APBA1: variants seen among roughly 807,000 people sequenced by gnomAD.
The protein encoded by APBA1 is amyloid-beta A4 precursor protein-binding family A member 1.
Under a neutral mutation model 86.6 loss-of-function variants are expected in APBA1, and 55 were observed. That is an observed-to-expected ratio of 0.64 (90% CI 0.51 to 0.80). The LOEUF is 0.80. APBA1 is among the 30% of genes least tolerant of loss of function. The pLI is 0.00. For missense variants in APBA1, 1,090 were observed against 1,183.0 expected, an observed-to-expected ratio of 0.92 and a Z score of 1.15; for synonymous variants, 511 against 493.9, an observed-to-expected ratio of 1.03 and a Z score of -0.46.
chr9:69,519,477 T>C (rs1031005501), intron 1 of APBA1, among the ~76,000 whole-genome samples: 1 of 152,206 alleles, frequency 6.6e-6, no homozygotes, highest in African/African-American at 2.4e-5. Context: ...CAAGTTGCCT[T>C]CATAAGGACT....
At chr9:69,669,038 A>G (rs1284522091) in intron 1 of APBA1, among the ~76,000 whole-genome samples, 1 of 152,088 alleles carries the variant, frequency 6.6e-6, no homozygotes, top group East Asian at 1.9e-4. Context: ...ATCATGATCC[A>G]CCTCTGGCCA....
intron 1 of APBA1, among the ~76,000 whole-genome samples, chr9:69,602,202 G>A (rs77345686): frequency 3.9e-5 from 6 of 152,018 alleles, no homozygotes; most frequent in Non-Finnish European, 7.4e-5. Flanking sequence ...TAATTCAGTG[G>A]TTTTTAGTAT....
chr9:69,640,544 C>A (rs1319420820), intron 1 of APBA1, among the ~76,000 whole-genome samples: 1 of 151,840 alleles, frequency 6.6e-6, no homozygotes. Context: ...AATAATATTA[C>A]AGAGTCAACC....
At chr9:69,545,515 A>T (rs926930932) in intron 1 of APBA1, among the ~76,000 whole-genome samples, 1 of 152,242 alleles carries the variant, frequency 6.6e-6, no homozygotes, top group African/African-American at 2.4e-5. Context: ...ACAGGATCAC[A>T]TCAGGCAGGG....
rs796452116 is a variant in APBA1 at position 69,430,197 on chromosome 9, A to G, written c.*1130T>C. On this transcript the variant is annotated 3_prime_UTR_variant, in exon 13 of 13. Transcript: ENST00000265381. ...ACATCCGCCTAGTGGCCCTGAGCAG[A>G]GAAGAAAGTTGGTCTTGCCTTGGGC... The G allele has an allele frequency of 2.0e-5, 3 of 152,362 alleles. No individual in the cohort carries two copies. The highest frequency in any genetic ancestry group is 7.2e-5 in the African/African-American group (3 of 41,584). The allele number at this position is 152,362 out of a possible 1,614,324, so 9.4% of individuals were successfully genotyped here.
chr9:69,510,323 T>G (rs1836011485), intron 2 of APBA1, among the ~76,000 whole-genome samples: 1 of 151,710 alleles, frequency 6.6e-6, no homozygotes, highest in South Asian at 2.1e-4. Context: ...CATTCACAAT[T>G]GCTTCACAGA....
At chr9:69,595,857 A>G (rs1203115003) in intron 1 of APBA1, among the ~76,000 whole-genome samples, 4 of 152,164 alleles carry the variant, frequency 2.6e-5, no homozygotes, top group Non-Finnish European at 5.9e-5. Context: ...CCGGTTTTCA[A>G]ACTGTGTTCT....
At chr9:69,669,431 C>T (rs879759593) in intron 1 of APBA1, among the ~76,000 whole-genome samples, 14 of 152,100 alleles carry the variant, frequency 9.2e-5, no homozygotes, top group African/African-American at 2.7e-4. Flanking sequence ...AGCACTGATG[C>T]TACTTTAAGT....
At chr9:69,452,041 A>C in intron 9 of APBA1, 81 bp downstream of exon 9, 1 of 1,344,010 alleles carries the variant, frequency 7.4e-7, no homozygotes, top group South Asian at 1.3e-5. Context: ...ATCTCCCTTC[A>C]CTTCCGCGGC....
chr9:69,597,333 C>T (rs1339125804), intron 1 of APBA1, among the ~76,000 whole-genome samples: 1 of 152,178 alleles, frequency 6.6e-6, no homozygotes, highest in African/African-American at 2.4e-5. Flanking sequence ...AGTGTCTGTT[C>T]ATGTCCTTCT....
intron 2 of APBA1, among the ~76,000 whole-genome samples, chr9:69,512,537 T>A (rs540687944): frequency 1.6e-4 from 24 of 152,348 alleles, no homozygotes; most frequent in African/African-American, 5.5e-4. Context: ...TCTGCTTTTG[T>A]AAGAATACCA....
chr9:69,606,417 A>C (rs908785225), intron 1 of APBA1, among the ~76,000 whole-genome samples: 3 of 149,254 alleles, frequency 2.0e-5, no homozygotes, highest in Non-Finnish European at 3.0e-5. Flanking sequence ...ACTTTTTTAC[A>C]GAGAAAGAAA....
At chr9:69,446,553 G>A (rs1834911528) in intron 10 of APBA1, among the ~76,000 whole-genome samples, 1 of 152,202 alleles carries the variant, frequency 6.6e-6, no homozygotes, top group Admixed American at 6.5e-5. Flanking sequence ...TGTGCAGACA[G>A]AGCTCCGTCT....
chr9:69,516,434 C>T lies in APBA1; in HGVS notation c.777G>A (p.Pro259=). 6.2e-7 allele frequency: 1 copy of T among 1,604,682 alleles called. No individual in the cohort carries two copies. The highest frequency in any genetic ancestry group is 8.5e-7 in the Non-Finnish European group (1 of 1,178,718). ...PEKEAEFAPY[P]RMDSYEQEED... is the part of the protein sequence containing the mutation. ...CCTCCTGCTCGTAGCTGTCCATGCG[C>T]GGGTAGGGCGCGAACTCGGCCTCCT... The change falls in exon 2 of 13, where the codon CCG becomes CCA. Residue 259 remains proline (P), a synonymous_variant. Transcript: ENST00000265381. The surrounding 1 kb of genome is among the most constrained non-coding windows in gnomAD (Gnocchi z 7.3).
Position 69,454,533 on chromosome 9 carries a change from G to A in APBA1, c.1788+1714C>T, listed in dbSNP as rs150665790. Among the ~76,000 whole-genome samples, 577 of 152,282 alleles carry A rather than the reference G, an allele frequency of 3.8e-3. 3 individuals are homozygous for A. Among genetic ancestry groups the A allele is most frequent in the African/African-American group, 0.013 (540 of 41,540 alleles). The stretch of plus-strand genomic sequence containing the variant: ...AAGAGGAACTTGAGGCTTAGTGGCT[G>A]CACAGCTTGGATGAGGAAGGACTCA... On this transcript the variant is annotated intron_variant, in intron 8 of 12. Coordinates refer to ENST00000265381, the MANE Select transcript of APBA1 (RefSeq NM_001163.4).
At chr9:69,553,170 T>G (rs1380297757) in intron 1 of APBA1, among the ~76,000 whole-genome samples, 2 of 152,236 alleles carry the variant, frequency 1.3e-5, no homozygotes, top group East Asian at 3.8e-4. Flanking sequence ...CTTCCCAAAG[T>G]GCTGGCATGA....
intron 2 of APBA1, among the ~76,000 whole-genome samples, chr9:69,491,918 C>A (rs1382217658): frequency 1.3e-5 from 2 of 151,908 alleles, no homozygotes; most frequent in South Asian, 2.1e-4. Flanking sequence ...GCATCCACCA[C>A]CACACCCAGC....
chr9:69,446,481 G>A (rs2133801910), intron 10 of APBA1, among the ~76,000 whole-genome samples: 1 of 152,270 alleles, frequency 6.6e-6, no homozygotes, highest in Non-Finnish European at 1.5e-5. Context: ...TGGTTCTATA[G>A]AGATTACATT....
chr9:69,569,448 AGTGTGTGTGTGTGTGT>A lies in APBA1; in HGVS notation c.-69-52185_-69-52170del, dbSNP rs71507121. Among the ~76,000 whole-genome samples the A allele has an allele frequency of 3.5e-3, 508 of 145,066 alleles. 2 individuals carry two copies. The highest frequency in any genetic ancestry group is 0.012 in the African/African-American group (473 of 39,392). ...GAGACATTTTTGGTTGTCACGTGTG[AGTGTGTGTGTGTGTGT>A]GTGTGTGTGTGTGTGTGTGTGTGTG... is the stretch of plus-strand genomic sequence containing the variant. On this transcript the variant is annotated intron_variant, in intron 1 of 12. Transcript: ENST00000265381.
Sources: gnomAD v4.1 joint callset for allele counts (sites outside exome capture counted in the v4.1 genomes callset) on GRCh38, gnomAD v4.1.1 for gene constraint, Gnocchi (gnomAD v3.1) non-coding constraint, MANE v1.5 for transcripts, NCBI Gene and HGNC (gene_info 2026-07-23, HGNC 2026-07-21) for gene names.